Variants in DPH6 observed in about 807,000 individuals in gnomAD.
The protein encoded by DPH6 is diphthamine biosynthesis 6, also known as diphthine--ammonia ligase.
Under a neutral mutation model 38.2 loss-of-function variants are expected in DPH6, and 33 were observed. The observed-to-expected ratio is 0.86, with a 90% CI of 0.65 to 1.15. DPH6 has a LOEUF of 1.15. Ranked by LOEUF, DPH6 falls within the 50% of genes most tolerant of loss-of-function variation. DPH6 has a pLI of 0.00. For missense variants in DPH6, 325 were observed against 320.0 expected (o/e 1.02, Z -0.12); for synonymous variants, 108 against 103.0 (o/e 1.05, Z -0.30).
chr15:35,489,717 T>G (rs1485641805), intron 3 of DPH6: 4 of 978,608 alleles, frequency 4.1e-6, no homozygotes, highest in Non-Finnish European at 4.9e-6. Flanking sequence ...GGTTAGATAT[T>G]AAACCATTTT....
chr15:35,541,038 T>C (rs908876146), intron 2 of DPH6, among the ~76,000 whole-genome samples: 1 of 152,068 alleles, frequency 6.6e-6, no homozygotes, highest in African/African-American at 2.4e-5. Flanking sequence ...GCAGTTCCTA[T>C]TCATCCTCAA....
At chr15:35,289,444 C>T (rs1329807564) in intron 3 of DPH6, among the ~76,000 whole-genome samples, 1 of 152,064 alleles carries the variant, frequency 6.6e-6, no homozygotes, top group African/African-American at 2.4e-5. Flanking sequence ...TACCTAGCAC[C>T]GAAGAGCTTC....
At chr15:35,531,317 T>C (rs2055083872) in intron 3 of DPH6, among the ~76,000 whole-genome samples, 1 of 152,240 alleles carries the variant, frequency 6.6e-6, no homozygotes, top group Non-Finnish European at 1.5e-5. Context: ...GTACAGTTAG[T>C]GGTTACACTG....
chr15:35,503,404 A>G (rs569731903), intron 3 of DPH6, among the ~76,000 whole-genome samples: 1 of 152,184 alleles, frequency 6.6e-6, no homozygotes, highest in East Asian at 1.9e-4. Flanking sequence ...GTTGCTCTTA[A>G]AAGATCAGTC....
intron 3 of DPH6, among the ~76,000 whole-genome samples, chr15:35,511,802 A>G (rs1369379814): frequency 1.3e-5 from 2 of 152,208 alleles, no homozygotes; most frequent in Non-Finnish European, 2.9e-5. Flanking sequence ...AAATGACCAA[A>G]AGAGAAAGGT....
intron 3 of DPH6, among the ~76,000 whole-genome samples, chr15:35,353,641 C>T (rs183226393): frequency 4.8e-4 from 73 of 152,218 alleles, no homozygotes; most frequent in African/African-American, 1.5e-3. Context: ...TGGTCTATAT[C>T]TCTGTTTTGG....
rs72703178 is a variant in DPH6 at position 35,397,267 on chromosome 15, C to T, written c.567+13568G>A. ...TGACTCAAGGCTGGAGGCCAGATTT[C>T]CCAATTCTTTGACAGCTGGCTTAGA... On this transcript the variant is annotated intron_variant, in intron 6 of 8. Transcript: ENST00000256538. Among the ~76,000 whole-genome samples the T allele has an allele frequency of 1.7e-3, 264 of 152,314 alleles. 1 individual carries two copies. Among genetic ancestry groups the T allele is most frequent in the East Asian group, 5.0e-3 (26 of 5,184 alleles).
intron 3 of DPH6, among the ~76,000 whole-genome samples, chr15:35,333,968 T>C (rs1445344979): frequency 6.6e-6 from 1 of 152,132 alleles, no homozygotes; most frequent in Non-Finnish European, 1.5e-5. Context: ...GATCTTGTCC[T>C]TTGCAGGGAC....
At chr15:35,539,947 G>C (rs2055227844) in intron 2 of DPH6, among the ~76,000 whole-genome samples, 1 of 152,000 alleles carries the variant, frequency 6.6e-6, no homozygotes, top group Non-Finnish European at 1.5e-5. Context: ...AGGAAGTAGA[G>C]AACATAGCCA....
chr15:35,160,846 T>C, the DPH6 span, among the ~76,000 whole-genome samples: 3 of 151,944 alleles, frequency 2.0e-5, no homozygotes, highest in Non-Finnish European at 4.4e-5. Context: ...CTATTCTACA[T>C]GGATGAAGCT....
intron 3 of DPH6, among the ~76,000 whole-genome samples, chr15:35,345,006 T>G (rs2052450011): frequency 6.6e-6 from 1 of 151,860 alleles, no homozygotes; most frequent in Non-Finnish European, 1.5e-5. Flanking sequence ...ATGGCATATA[T>G]GTTAAAATAC....
intron 3 of DPH6, chr15:35,520,552 C>G (rs140140308): frequency 1.0e-6 from 1 of 984,552 alleles, no homozygotes; most frequent in East Asian, 1.1e-4. Context: ...TACATATATA[C>G]AATAAGACTA....
intron 5 of DPH6, among the ~76,000 whole-genome samples, chr15:35,432,213 GA>G (rs906044972): frequency 5.9e-4 from 90 of 152,104 alleles, no homozygotes; most frequent in Admixed American, 1.7e-3. Context: ...TATAAAAGAA[GA>G]AAAAAATCTA....
chr15:35,243,464 C>G (rs1473548155), intron 3 of DPH6, among the ~76,000 whole-genome samples: 1 of 143,882 alleles, frequency 7.0e-6, no homozygotes, highest in East Asian at 2.2e-4. Context: ...CGTATATGCC[C>G]AGATGGCCTG....
intron 3 of DPH6, among the ~76,000 whole-genome samples, chr15:35,268,061 T>C (rs1338896346): frequency 6.6e-6 from 1 of 151,888 alleles, no homozygotes; most frequent in Non-Finnish European, 1.5e-5. Context: ...TCCCTGCTAC[T>C]CGGGAGGCTG....
intron 3 of DPH6, among the ~76,000 whole-genome samples, chr15:35,509,054 C>A (rs1469444342): frequency 1.3e-5 from 2 of 152,162 alleles, no homozygotes; most frequent in Non-Finnish European, 2.9e-5. Context: ...GCTTGCTACA[C>A]AATGTAATTT....
the DPH6 span, among the ~76,000 whole-genome samples, chr15:35,183,097 T>C: frequency 1.3e-5 from 2 of 152,214 alleles, no homozygotes; most frequent in Admixed American, 1.3e-4. Context: ...CTCATAGCCT[T>C]TAATCTCCCT....
intron 3 of DPH6, among the ~76,000 whole-genome samples, chr15:35,285,940 A>T (rs1338008148): frequency 2.1e-5 from 3 of 141,590 alleles, no homozygotes; most frequent in Non-Finnish European, 4.5e-5. Context: ...TAACTCTGAA[A>T]TGATAATAAG....
chr15:35,235,767 C>A lies in DPH6; in HGVS notation n.201-15185G>T, dbSNP rs573004499. Among the ~76,000 whole-genome samples the A allele has an allele frequency of 3.9e-5, 6 of 152,334 alleles. No individual in the cohort carries two copies. In the South Asian group the frequency reaches 1.0e-3, roughly 26 times the overall value. Reference sequence around the variant, plus strand: ...TACTTGAATTCCTATATATCAAGGTCTCTGCTTACAATATTATTCTTTCTC... The same window carrying A: ...TACTTGAATTCCTATATATCAAGGTATCTGCTTACAATATTATTCTTTCTC... On this transcript the variant is annotated intron_variant and non_coding_transcript_variant, in intron 3 of 3. Transcript: ENST00000560386.
Sources: gnomAD v4.1 joint callset for allele counts (sites outside exome capture counted in the v4.1 genomes callset) on GRCh38, gnomAD v4.1.1 for gene constraint, MANE v1.5 for transcripts, NCBI Gene and HGNC (gene_info 2026-07-23, HGNC 2026-07-21) for gene names.